Variants in MYADM observed in about 807,000 individuals in gnomAD.
MYADM encodes the protein myeloid-associated differentiation marker.
For synonymous variants in MYADM, 224 were observed against 210.2 expected, an observed-to-expected ratio of 1.07 and a Z score of -0.57; for missense variants, 416 against 443.4, an observed-to-expected ratio of 0.94 and a Z score of 0.56.
chr19:53,872,228 C>T (rs2068405309), intron 2 of MYADM, among the ~76,000 whole-genome samples: 1 of 151,118 alleles, frequency 6.6e-6, no homozygotes, highest in African/African-American at 2.4e-5. Flanking sequence ...CGGAGTGTGG[C>T]TCTGTGGCTC....
chr19:53,873,199 G>A lies in MYADM; in HGVS notation c.-2-329G>A, dbSNP rs138215861. ...ATCCTGGCTAACACAGTGAAACCCC[G>A]TCTCTACTAAAAATACAAAAAAATT... On this transcript the variant is annotated intron_variant, in intron 2 of 2. Transcript: ENST00000391770. This position sits in a 1 kb window ranked among gnomAD's most constrained non-coding sequence, Gnocchi z 4.3. 4.1e-3 allele frequency among the ~76,000 whole-genome samples: 618 copies of A among 152,128 alleles called. 7 individuals carry two copies. The highest frequency in any genetic ancestry group is 0.014 in the African/African-American group (575 of 41,502).
rs142869931 is a variant in MYADM at position 53,874,186 on chromosome 19, C to T, written c.657C>T (p.Ile219=). The T allele has an allele frequency of 3.5e-4, 564 of 1,613,808 alleles. No homozygotes were observed. The East Asian group carries it at 5.7e-3, about 16-fold the overall frequency. Residue 219 remains isoleucine (I), a synonymous_variant, in exon 3 of 3, where the codon ATC becomes ATT. Transcript: ENST00000391770. ...VYAICFILAA[I]AILLNLGECT... is the part of the protein sequence containing the mutation. ...CCATCTGCTTCATCCTAGCGGCCATCGCCATCCTGCTGAACCTGGGGGAGT... is the reference window on the plus strand; with the variant it reads ...CCATCTGCTTCATCCTAGCGGCCATTGCCATCCTGCTGAACCTGGGGGAGT...
rs1185004874 is a variant in MYADM at position 53,868,247 on chromosome 19, TGA to T, written c.-88+306_-88+307del. 6.8e-6 allele frequency among the ~76,000 whole-genome samples: 1 copy of T among 146,592 alleles called. No individual in the cohort carries two copies. Among genetic ancestry groups the T allele is most frequent in the Non-Finnish European group, 1.5e-5 (1 of 66,532 alleles). ...CTCCTGGGTCCGAGGGAGGAGGGGC[TGA>T]GGGCCTGGACTCCTGGGTCTGAGGG... On this transcript the variant is annotated intron_variant, in intron 1 of 2. Transcript: ENST00000391770. The surrounding 1 kb of genome is among the most constrained non-coding windows in gnomAD (Gnocchi z 6.3).
chr19:53,867,328 C>T (rs1002468795), upstream of MYADM, among the ~76,000 whole-genome samples: 61 of 150,658 alleles, frequency 4.0e-4, no homozygotes, highest in Non-Finnish European at 1.0e-4. Context: ...GAGATCCTAG[C>T]CCCCCCATTG....
upstream of MYADM, chr19:53,866,403 C>G (rs1270807991): frequency 6.6e-6 from 1 of 152,190 alleles, no homozygotes; most frequent in African/African-American, 2.4e-5. This position sits in a 1 kb window ranked among gnomAD's most constrained non-coding sequence, Gnocchi z 4.3. Flanking sequence ...GCGCCCGGGA[C>G]GACTGCAGAG....
rs2068293829 is a variant in MYADM, at chr19:53,868,795, T to TGA, written c.-88+854_-88+855dup. The TGA allele has an allele frequency of 6.6e-6, 1 of 152,198 alleles. No individual in the cohort carries two copies. The highest frequency in any genetic ancestry group is 2.4e-5 in the African/African-American group (1 of 41,414). 9.4% of individuals were successfully genotyped at this position (152,198 alleles called of 1,614,324 possible). A position where few individuals can be genotyped will look rare whatever the true frequency, so the allele number is the denominator to read the frequency against. On this transcript the variant is annotated intron_variant, in intron 1 of 2. Coordinates refer to ENST00000391770, the MANE Select transcript of MYADM (RefSeq NM_138373.5). This position sits in a 1 kb window ranked among gnomAD's most constrained non-coding sequence, Gnocchi z 6.3. The stretch of plus-strand genomic sequence containing the variant: ...CCTCCAGGGTCTGGCTGCGCATTCC[T>TGA]GAGCTCTGATCTCGGGCGATGGCTG...
chr19:53,867,090 A>G (rs1428378608), upstream of MYADM, among the ~76,000 whole-genome samples: 1 of 151,824 alleles, frequency 6.6e-6, no homozygotes, highest in Non-Finnish European at 1.5e-5. Flanking sequence ...CCCCACCCCT[A>G]TCCACTGTGA....
Position 53,873,481 on chromosome 19 carries a change from C to A in MYADM, c.-2-47C>A. On this transcript the variant is annotated intron_variant, in intron 2 of 2. Transcript: ENST00000391770. This position sits in a 1 kb window ranked among gnomAD's most constrained non-coding sequence, Gnocchi z 4.3. ...AGGCAATGGCTAAGGGACCTGGATT[C>A]TTATGTTTGTGACTGTATAAGGACA... 6.5e-7 allele frequency: 1 copy of A among 1,530,064 alleles called. No homozygotes were observed. The highest frequency in any genetic ancestry group is 8.8e-7 in the Non-Finnish European group (1 of 1,138,790). 94.8% of individuals were successfully genotyped at this position (1,530,064 alleles called of 1,614,324 possible).
At position 53,874,793 on chromosome 19, in the gene MYADM, T is replaced by A. The variant is rs1159701767; in HGVS notation, c.*295T>A. 432 of 141,600 alleles carry A rather than the reference T, an allele frequency of 3.1e-3. 4 individuals are homozygous for A. Among genetic ancestry groups the A allele is most frequent in the Non-Finnish European group, 5.0e-3 (340 of 68,046 alleles). 8.8% of individuals were successfully genotyped at this position (141,600 alleles called of 1,614,324 possible). A position where few individuals can be genotyped will look rare whatever the true frequency, so the allele number is the denominator to read the frequency against. On this transcript the variant is annotated 3_prime_UTR_variant, in exon 3 of 3. Transcript: ENST00000391770. ...TTTCTTTTTTTTTTTTTTTTTTTTT[T>A]AAGACGGATTCTCACTCTGTGGCCC...
Position 53,874,946 on chromosome 19 carries a change from C to G in MYADM, c.*448C>G, listed in dbSNP as rs1014385266. On this transcript the variant is annotated 3_prime_UTR_variant, in exon 3 of 3. Coordinates refer to ENST00000391770, the MANE Select transcript of MYADM (RefSeq NM_138373.5). ...GTGAGCTGCCGCACCCAGCCTGTTT[C>G]TCTTTTTCCACTCTTCTTTTTTCTC... The G allele has an allele frequency of 6.0e-6, 1 of 167,560 alleles. No individual in the cohort carries two copies. The highest frequency in any genetic ancestry group is 1.5e-5 in the Non-Finnish European group (1 of 68,634). 10.4% of individuals were successfully genotyped at this position (167,560 alleles called of 1,614,324 possible).
chr19:53,873,770 A>G lies in MYADM; in HGVS notation c.241A>G (p.Ile81Val). ...GTGCTTCTGCTTCTCCGTGACCCTG[A>G]TCATCCTCATCGTGGAGCTGTGCGG... ...TWCFCFSVTL[I>V]ILIVELCGLQ... is the part of the protein sequence containing the mutation. The change falls in exon 3 of 3, where the codon ATC becomes GTC. Residue 81 changes from isoleucine to valine, a missense_variant. By Grantham distance (29) the Ile-to-Val change is conservative (BLOSUM62 3). Coordinates refer to ENST00000391770, the MANE Select transcript of MYADM (RefSeq NM_138373.5). This position sits in a 1 kb window ranked among gnomAD's most constrained non-coding sequence, Gnocchi z 4.3. The G allele has an allele frequency of 6.2e-7, 1 of 1,613,766 alleles. No homozygotes were observed. The highest frequency in any genetic ancestry group is 8.5e-7 in the Non-Finnish European group (1 of 1,179,988).
At chr19:53,872,445 C>T (rs2068410510) in intron 2 of MYADM, among the ~76,000 whole-genome samples, 1 of 152,018 alleles carries the variant, frequency 6.6e-6, no homozygotes, top group African/African-American at 2.4e-5. Context: ...ATCCACCCAC[C>T]TTGGCCTCCG....
rs562245107 is a variant in MYADM, at chr19:53,874,220, G to C, written c.691G>C (p.Val231Leu). The change falls in exon 3 of 3, where the codon GTG (valine) becomes CTG (leucine). Residue 231 changes from valine (V) to leucine (L), a missense_variant. Coordinates refer to ENST00000391770, the MANE Select transcript of MYADM (RefSeq NM_138373.5). ...GCTGAACCTGGGGGAGTGCACCAAC[G>C]TGCTACCCATCCCCTTCCCCAGCTT... ...ILLNLGECTN[V>L]LPIPFPSFLS... The C allele has an allele frequency of 6.8e-6, 11 of 1,612,954 alleles. No individual in the cohort carries two copies. In the South Asian group the frequency reaches 7.7e-5, roughly 11 times the overall value.
chr19:53,870,509 A>C (rs1043477306), intron 2 of MYADM, among the ~76,000 whole-genome samples: 1 of 152,028 alleles, frequency 6.6e-6, no homozygotes, highest in Non-Finnish European at 1.5e-5. Flanking sequence ...TCCTGGGAGA[A>C]GGACCAGGAA....
chr19:53,874,398 G>C lies in MYADM; in HGVS notation c.869G>C (p.Trp290Ser). ...SRSHAYYVCA[W>S]DRRLAVAILT... ...AGCCATGCCTACTACGTGTGTGCCT[G>C]GGACCGCCGACTGGCTGTGGCCATC... The change falls in exon 3 of 3, where the codon TGG becomes TCG. Residue 290 changes from tryptophan to serine, a missense_variant. Transcript: ENST00000391770. 6.2e-7 allele frequency: 1 copy of C among 1,614,208 alleles called. No individual in the cohort carries two copies.
At position 53,875,042 on chromosome 19, in the gene MYADM, G is replaced by A. The variant is rs1352005787; in HGVS notation, c.*544G>A. 6.0e-6 allele frequency: 1 copy of A among 167,002 alleles called. No individual in the cohort carries two copies. The highest frequency in any genetic ancestry group is 1.5e-5 in the Non-Finnish European group (1 of 68,196). The allele number at this position is 167,002 out of a possible 1,614,324, so 10.3% of individuals were successfully genotyped here. On this transcript the variant is annotated 3_prime_UTR_variant, in exon 3 of 3. Transcript: ENST00000391770. ...GCAAGCACCTTCTCCTGTGTCCTTG[G>A]GAGCCCTGAGACTTCTTTCTCTCCT...
At chr19:53,867,717 T>C (rs966108782), upstream of MYADM, among the ~76,000 whole-genome samples, 3 of 152,050 alleles carry the variant, frequency 2.0e-5, no homozygotes, top group South Asian at 2.1e-4. Flanking sequence ...CTACTTTTAC[T>C]CTGGGGGGCG....
In MYADM at chr19:53,873,284, A is replaced by G. The variant is rs2068430305; in HGVS notation, c.-2-244A>G. Among the ~76,000 whole-genome samples the G allele has an allele frequency of 6.6e-6, 1 of 152,096 alleles. No homozygotes were observed. The highest frequency in any genetic ancestry group is 2.4e-5 in the African/African-American group (1 of 41,416). ...CTACTCGGGAGGCTGAGGCAGGAGAATCACTTGAACCTGAGTAGCAGAGGT... is the reference window on the plus strand; with the variant it reads ...CTACTCGGGAGGCTGAGGCAGGAGAGTCACTTGAACCTGAGTAGCAGAGGT... On this transcript the variant is annotated intron_variant, in intron 2 of 2. Transcript: ENST00000391770. The surrounding 1 kb of genome is among the most constrained non-coding windows in gnomAD (Gnocchi z 4.3).
At position 53,874,343 on chromosome 19, in the gene MYADM, C is replaced by T. The variant is rs1238692345; in HGVS notation, c.814C>T (p.Arg272Trp). The T allele has an allele frequency of 1.2e-6, 2 of 1,613,412 alleles. No homozygotes were observed. The highest frequency in any genetic ancestry group is 1.7e-6 in the Non-Finnish European group (2 of 1,179,378). The change falls in exon 3 of 3, where the codon CGG (arginine) becomes TGG (tryptophan). Residue 272 changes from arginine to tryptophan, a missense_variant. Arg to Trp is a moderately radical substitution (Grantham distance 101). Coordinates refer to ENST00000391770, the MANE Select transcript of MYADM (RefSeq NM_138373.5). ...CGATGAGAAGTATGGCGGCCAGCCT[C>T]GGCGCTCGAGAGATGTAAGCTGCAG... ...QFDEKYGGQP[R>W]RSRDVSCSRS...
Sources: gnomAD v4.1 joint callset for allele counts (sites outside exome capture counted in the v4.1 genomes callset) on GRCh38, gnomAD v4.1.1 for gene constraint, Gnocchi (gnomAD v3.1) non-coding constraint, MANE v1.5 for transcripts, NCBI Gene and HGNC (gene_info 2026-07-23, HGNC 2026-07-21) for gene names.